Variants in YWHAZ observed in about 807,000 individuals in gnomAD.
YWHAZ encodes tyrosine 3-monooxygenase/tryptophan 5-monooxygenase activation protein zeta, also known as 14-3-3 protein zeta/delta.
For synonymous variants in YWHAZ, 87 were observed against 103.6 expected (o/e 0.84, Z 0.97); for missense variants, 79 against 284.8 (o/e 0.28, Z 5.20).
chr8:100,947,555 G>C (rs1810393893), intron 2 of YWHAZ, among the ~76,000 whole-genome samples: 1 of 152,214 alleles, frequency 6.6e-6, no homozygotes, highest in Admixed American at 6.5e-5. Context: ...AGGAACTGAT[G>C]CTATTCCATT....
rs1387796383 is a variant in YWHAZ, at chr8:100,917,262, T to C, written c.*3431A>G. 1.3e-5 allele frequency: 2 copies of C among 152,160 alleles called. No individual in the cohort carries two copies. Among genetic ancestry groups the C allele is most frequent in the African/African-American group, 2.4e-5 (1 of 41,406 alleles). The allele number at this position is 152,160 out of a possible 1,614,324, so 9.4% of individuals were successfully genotyped here. The stretch of plus-strand genomic sequence containing the variant: ...AGCCCCAAAATTAAGCCACTAGACA[T>C]ATTCTTTCTCTTTCTCCCCCCACCC... On this transcript the variant is annotated 3_prime_UTR_variant, in exon 6 of 6. Coordinates refer to ENST00000395958, the MANE Select transcript of YWHAZ (RefSeq NM_145690.3).
At chr8:100,951,258 C>G (rs1391341150) in intron 1 of YWHAZ, 1 of 984,774 alleles carries the variant, frequency 1.0e-6, no homozygotes, top group Non-Finnish European at 1.2e-6. Flanking sequence ...CCGCGCCAGG[C>G]CTGGGCTCCG....
At chr8:100,952,159 G>T (rs556362271), upstream of YWHAZ, 24 of 985,336 alleles carry the variant, frequency 2.4e-5, no homozygotes, top group African/African-American at 4.2e-4. Flanking sequence ...TGCCCACAGC[G>T]ATCGGGGCCC....
chr8:100,924,766 T>G lies in YWHAZ; in HGVS notation c.418+150A>C, dbSNP rs939878766. 4 of 893,406 alleles carry G rather than the reference T, an allele frequency of 4.5e-6. No individual in the cohort carries two copies. In the Admixed American group the frequency reaches 1.1e-4, roughly 25 times the overall value. 55.3% of individuals were successfully genotyped at this position (893,406 alleles called of 1,614,324 possible). On this transcript the variant is annotated intron_variant, in intron 3 of 5. Transcript: ENST00000395958. This position sits in a 1 kb window ranked among gnomAD's most constrained non-coding sequence, Gnocchi z 5.7. ...ATTTTAGAATAGCAGTATGAGGCAG[T>G]AGATGTGTATTCTCAGAACACAAAG...
intron 2 of YWHAZ, among the ~76,000 whole-genome samples, chr8:100,938,429 T>TA (rs1814354338): frequency 6.6e-6 from 1 of 152,218 alleles, no homozygotes; most frequent in Non-Finnish European, 1.5e-5. Context: ...TCTGTATACT[T>TA]AAACATATTT....
chr8:100,950,657 T>TTGC lies in YWHAZ; in HGVS notation c.-12+1271_-12+1272insGCA, dbSNP rs71276929. 4.2e-6 allele frequency: 3 copies of TTGC among 716,676 alleles called. No homozygotes were observed. The East Asian group carries it at 5.8e-4, about 139-fold the overall frequency. The allele number at this position is 716,676 out of a possible 1,614,324, so 44.4% of individuals were successfully genotyped here. ...GCAGCCCGCGCCCCCGCCCAAGCCGTGGGGGGGGGGGAGAGATGGGGAGCG... is the reference window on the plus strand; with the variant it reads ...GCAGCCCGCGCCCCCGCCCAAGCCGTTGCGGGGGGGGGGGAGAGATGGGGAGCG... On this transcript the variant is annotated intron_variant, in intron 1 of 5. Coordinates refer to ENST00000395958, the MANE Select transcript of YWHAZ (RefSeq NM_145690.3).
rs985797975 is a variant in YWHAZ, at chr8:100,951,419, G to A, written c.-12+510C>T. On this transcript the variant is annotated intron_variant, in intron 1 of 5. Transcript: ENST00000395958. ...GGCTGCGCGAGGGGGAGGGAAAGGAGGGGGCGGCCGAGGGAGAGGGGAGGG... is the reference window on the plus strand; with the variant it reads ...GGCTGCGCGAGGGGGAGGGAAAGGAAGGGGCGGCCGAGGGAGAGGGGAGGG... 6 of 981,370 alleles carry A rather than the reference G, an allele frequency of 6.1e-6. No individual in the cohort carries two copies. In the East Asian group the frequency reaches 3.4e-4, roughly 56 times the overall value. The allele number at this position is 981,370 out of a possible 1,614,324, so 60.8% of individuals were successfully genotyped here. A position where few individuals can be genotyped will look rare whatever the true frequency, so the allele number is the denominator to read the frequency against.
Position 100,922,893 on chromosome 8 carries a change from A to G in YWHAZ, c.678+1062T>C, listed in dbSNP as rs1011409296. 1.3e-5 allele frequency: 2 copies of G among 152,236 alleles called. No individual in the cohort carries two copies. The highest frequency in any genetic ancestry group is 2.9e-5 in the Non-Finnish European group (2 of 68,042). The allele number at this position is 152,236 out of a possible 1,614,324, so 9.4% of individuals were successfully genotyped here. On this transcript the variant is annotated intron_variant, in intron 5 of 5. Transcript: ENST00000395958. This position sits in a 1 kb window ranked among gnomAD's most constrained non-coding sequence, Gnocchi z 4.1. ...AAAGTTAGTTAACAAAGTGCTTCTT[A>G]TGTTTGATATATAAGATTCTTTCAT... is the stretch of plus-strand genomic sequence containing the variant.
At chr8:100,925,428 C>T (rs1053242219) in intron 2 of YWHAZ, among the ~76,000 whole-genome samples, 15 of 152,078 alleles carry the variant, frequency 9.9e-5, no homozygotes, top group South Asian at 2.1e-4. Flanking sequence ...AAAGAACATA[C>T]GGGATGAACC....
At chr8:100,951,263 G>A in intron 1 of YWHAZ, 3 of 984,814 alleles carry the variant, frequency 3.0e-6, no homozygotes, top group Non-Finnish European at 3.6e-6. Flanking sequence ...CCAGGCCTGG[G>A]CTCCGGCCCG....
At chr8:100,941,855 TTAAAA>T (rs1809891440) in intron 2 of YWHAZ, among the ~76,000 whole-genome samples, 2 of 149,470 alleles carry the variant, frequency 1.3e-5, no homozygotes, top group African/African-American at 4.9e-5. Flanking sequence ...CATTAAACGA[TTAAAA>T]TAAAATACTA....
rs1812758873 is a variant in YWHAZ at position 100,917,615 on chromosome 8, A to T, written c.*3078T>A. 6.6e-6 allele frequency: 1 copy of T among 152,050 alleles called. No individual in the cohort carries two copies. The highest frequency in any genetic ancestry group is 2.1e-4 in the South Asian group (1 of 4,832). The allele number at this position is 152,050 out of a possible 1,614,324, so 9.4% of individuals were successfully genotyped here. A position where few individuals can be genotyped will look rare whatever the true frequency, so the allele number is the denominator to read the frequency against. The stretch of plus-strand genomic sequence containing the variant: ...ATGCCTGCAGTCCCAGCTACTTGCG[A>T]GGCTGAGGCAGGAGAATCACTTCAG... On this transcript the variant is annotated 3_prime_UTR_variant, in exon 6 of 6. Coordinates refer to ENST00000395958, the MANE Select transcript of YWHAZ (RefSeq NM_145690.3).
intron 2 of YWHAZ, among the ~76,000 whole-genome samples, chr8:100,936,897 C>T (rs1321227223): frequency 1.3e-5 from 2 of 152,080 alleles, no homozygotes; most frequent in East Asian, 1.9e-4. Flanking sequence ...AAAAAAGTTC[C>T]AAAATCATTA....
At chr8:100,952,737 G>A (rs1202570679), upstream of YWHAZ, 1 of 969,032 alleles carries the variant, frequency 1.0e-6, no homozygotes, top group Non-Finnish European at 1.2e-6. Context: ...CACGGCAAGG[G>A]AGGGTTGTGT....
At chr8:100,935,362 T>C (rs1814072039) in intron 2 of YWHAZ, among the ~76,000 whole-genome samples, 1 of 152,152 alleles carries the variant, frequency 6.6e-6, no homozygotes, top group African/African-American at 2.4e-5. Flanking sequence ...TAGCTCAACA[T>C]CCTAAAAACT....
intron 1 of YWHAZ, chr8:100,951,609 G>C (rs911652134): frequency 1.9e-5 from 19 of 985,200 alleles, no homozygotes; most frequent in Non-Finnish European, 2.3e-5. Context: ...TCCACCTTCG[G>C]GAGCCGGCGA....
At chr8:100,928,075 C>T (rs1389346786) in intron 2 of YWHAZ, among the ~76,000 whole-genome samples, 2 of 152,056 alleles carry the variant, frequency 1.3e-5, no homozygotes, top group African/African-American at 2.4e-5. Flanking sequence ...GTCAGGAGAT[C>T]GAGGCCATCC....
In YWHAZ at chr8:100,918,408, TTATATATATATATA is replaced by T. The variant is rs71572094; in HGVS notation, c.*2271_*2284del. ...AGTCTAGCTATAAAATATAATTACT[TTATATATATATATA>T]TATATATATATATATATATATAATT... On this transcript the variant is annotated 3_prime_UTR_variant, in exon 6 of 6. Coordinates refer to ENST00000395958, the MANE Select transcript of YWHAZ (RefSeq NM_145690.3). The T allele has an allele frequency of 3.8e-3, 158 of 41,886 alleles. 12 individuals are homozygous for T. Among genetic ancestry groups the T allele is most frequent in the East Asian group, 0.012 (8 of 688 alleles). 2.6% of individuals were successfully genotyped at this position (41,886 alleles called of 1,614,324 possible).
chr8:100,946,332 A>C (rs546135986), intron 2 of YWHAZ, among the ~76,000 whole-genome samples: 2 of 152,306 alleles, frequency 1.3e-5, no homozygotes, highest in East Asian at 3.9e-4. Flanking sequence ...TGAGGTCAAG[A>C]GTTAGACGTG....
Sources: gnomAD v4.1 joint callset for allele counts (sites outside exome capture counted in the v4.1 genomes callset) on GRCh38, gnomAD v4.1.1 for gene constraint, Gnocchi (gnomAD v3.1) non-coding constraint, MANE v1.5 for transcripts, NCBI Gene and HGNC (gene_info 2026-07-23, HGNC 2026-07-21) for gene names.